The following DGKI variants were observed in gnomAD, a reference collection of about 807,000 sequenced individuals.
DGKI encodes diacylglycerol kinase iota, also known as DAG kinase iota.
DGKI carries 55 observed loss-of-function variants against 147.5 expected under a neutral mutation model. The ratio of observed to expected loss-of-function variants is 0.37; its 90% CI spans 0.30 to 0.47. DGKI has a LOEUF of 0.47. Ranked by LOEUF, DGKI falls within the 20% of genes least tolerant of loss-of-function variation. The pLI is 1.00. For synonymous variants in DGKI, 469 were observed against 477.1 expected (o/e 0.98, Z 0.22); for missense variants, 1,007 against 1,323.8 (o/e 0.76, Z 3.71).
At chr7:137,487,460 G>A (rs998937579) in intron 22 of DGKI, 150 bp downstream of exon 22, 7 of 711,772 alleles carry the variant, frequency 9.8e-6, no homozygotes, top group African/African-American at 8.8e-5. Context: ...AGTGGGAGAG[G>A]GTGACATACA....
chr7:137,618,142 TATATA>T (rs1409884476), intron 8 of DGKI, among the ~76,000 whole-genome samples: 22 of 12,348 alleles, frequency 1.8e-3, no homozygotes, highest in African/African-American at 4.7e-3. Context: ...TATATATATA[TATATA>T]TATATTTTTT....
chr7:137,676,180 C>T (rs1408089401), intron 3 of DGKI, among the ~76,000 whole-genome samples: 1 of 152,190 alleles, frequency 6.6e-6, no homozygotes, highest in Admixed American at 6.5e-5. Context: ...TACTTACACT[C>T]CTGGCAGCTG....
Position 137,678,643 on chromosome 7 carries a change from C to G in DGKI, c.520G>C (p.Val174Leu). ...TCCAGCCACAGGTGTTCTCCATTCA[C>G]GGCATTCTCCTGCAAGGAAAAGACC... ...RATLDWSENAVNGEHLWLETN... is the reference protein window; with the variant it reads ...RATLDWSENALNGEHLWLETN... The change falls in exon 3 of 33, where the codon GTG (valine) becomes CTG (leucine). Residue 174 changes from valine to leucine, a missense_variant. By Grantham distance (32) the Val-to-Leu change is conservative. Around this residue, in one of 5 missense-constraint regions of DGKI, gnomAD observed 259 missense variants for 362.5 expected, o/e 0.71. Coordinates refer to ENST00000614521, the MANE Select transcript of DGKI (RefSeq NM_001321708.2). 1 of 1,613,974 alleles carries G rather than the reference C, an allele frequency of 6.2e-7. No homozygotes were observed. Among genetic ancestry groups the G allele is most frequent in the Non-Finnish European group, 8.5e-7 (1 of 1,179,934 alleles).
chr7:137,706,149 T>C (rs995357951), intron 1 of DGKI, among the ~76,000 whole-genome samples: 2 of 152,032 alleles, frequency 1.3e-5, no homozygotes, highest in Non-Finnish European at 2.9e-5. Flanking sequence ...ATTTAAATAT[T>C]TATCTTTTTT....
intron 21 of DGKI, among the ~76,000 whole-genome samples, chr7:137,521,556 C>T (rs1431334621): frequency 1.3e-5 from 2 of 152,028 alleles, no homozygotes; most frequent in South Asian, 4.1e-4. Context: ...TGGTGCTATA[C>T]CATTGGTATC....
Position 137,835,988 on chromosome 7 carries a change from C to A in DGKI, c.401+10474G>T, listed in dbSNP as rs549571931. ...TGGCTATGAAAACAATACGGGGTTGCCTAAGATTGTTTTGTGAGTAGTTAG... is the reference window on the plus strand; with the variant it reads ...TGGCTATGAAAACAATACGGGGTTGACTAAGATTGTTTTGTGAGTAGTTAG... On this transcript the variant is annotated intron_variant, in intron 1 of 32. Coordinates refer to ENST00000614521, the MANE Select transcript of DGKI (RefSeq NM_001321708.2). 5.9e-5 allele frequency among the ~76,000 whole-genome samples: 9 copies of A among 152,178 alleles called. No homozygotes were observed. The South Asian group carries it at 1.9e-3, about 32-fold the overall frequency.
intron 6 of DGKI, among the ~76,000 whole-genome samples, chr7:137,642,819 T>C (rs1353278888): frequency 1.3e-5 from 2 of 151,688 alleles, no homozygotes; most frequent in East Asian, 3.9e-4. Flanking sequence ...CCATAAACAC[T>C]TCCTAAAAAA....
chr7:137,551,006 T>G (rs2128965943), intron 20 of DGKI, among the ~76,000 whole-genome samples: 1 of 152,110 alleles, frequency 6.6e-6, no homozygotes, highest in East Asian at 1.9e-4. Context: ...GTATTTAACC[T>G]GATAGAAGGT....
intron 21 of DGKI, among the ~76,000 whole-genome samples, chr7:137,517,279 A>AAGAAAG (rs1816788718): frequency 1.3e-5 from 1 of 79,744 alleles, no homozygotes; most frequent in Admixed American, 1.4e-4. Context: ...AAAGAAAAGA[A>AAGAAAG]AAAGAAAGAA....
intron 29 of DGKI, among the ~76,000 whole-genome samples, chr7:137,409,531 T>A (rs969440929): frequency 6.6e-6 from 1 of 151,896 alleles, no homozygotes; most frequent in Non-Finnish European, 1.5e-5. Context: ...TGAATGGAGG[T>A]AAGGACAATG....
intron 1 of DGKI, among the ~76,000 whole-genome samples, chr7:137,842,994 C>A (rs560755704): frequency 1.3e-5 from 2 of 152,242 alleles, no homozygotes; most frequent in South Asian, 2.1e-4. Flanking sequence ...CAGCGTGATG[C>A]GGTCTAAAGA....
At chr7:137,436,743 A>G (rs1813298370) in intron 28 of DGKI, among the ~76,000 whole-genome samples, 1 of 152,194 alleles carries the variant, frequency 6.6e-6, no homozygotes, top group Non-Finnish European at 1.5e-5. Flanking sequence ...ATGGATGTAA[A>G]TATCTAAACA....
intron 1 of DGKI, among the ~76,000 whole-genome samples, chr7:137,717,409 C>T (rs1453966685): frequency 1.3e-5 from 2 of 151,972 alleles, no homozygotes; most frequent in African/African-American, 4.8e-5. Flanking sequence ...CTACAAGGAA[C>T]AGTTCTCAGG....
intron 20 of DGKI, among the ~76,000 whole-genome samples, chr7:137,550,167 GT>G (rs71533756): frequency 0.093 from 12,793 of 137,954 alleles, 1,462 homozygotes; most frequent in African/African-American, 0.28. Context: ...TGTTGTTTGA[GT>G]TTTTTTTTTT....
chr7:137,542,199 C>CA (rs370589694), intron 20 of DGKI, among the ~76,000 whole-genome samples: 2 of 152,102 alleles, frequency 1.3e-5, no homozygotes, highest in Admixed American at 6.6e-5. Context: ...TTCTGGAAAA[C>CA]AGTTTGTCAG....
chr7:137,566,804 T>C (rs1415115329), intron 19 of DGKI, among the ~76,000 whole-genome samples: 2 of 152,166 alleles, frequency 1.3e-5, no homozygotes, highest in Non-Finnish European at 2.9e-5. Context: ...TCTAAACATA[T>C]ATTTTAAATT....
rs1280256706 is a variant in DGKI at position 137,388,684 on chromosome 7, A to C, written c.*2536T>G. On this transcript the variant is annotated 3_prime_UTR_variant, in exon 33 of 33. Coordinates refer to ENST00000614521, the MANE Select transcript of DGKI (RefSeq NM_001321708.2). ...CAGGAGGTGGTTTAATGTTGAAGCC[A>C]TTAAACATGTGGTTATTCTGCTCAC... is the stretch of plus-strand genomic sequence containing the variant. The C allele has an allele frequency of 6.6e-6, 1 of 152,164 alleles. No individual in the cohort carries two copies. 9.4% of individuals were successfully genotyped at this position (152,164 alleles called of 1,614,324 possible).
Position 137,485,371 on chromosome 7 carries a change from T to C in DGKI, c.2373+3A>G, listed in dbSNP as rs1170406124. 3.1e-6 allele frequency: 5 copies of C among 1,606,334 alleles called. No homozygotes were observed. The highest frequency in any genetic ancestry group is 4.3e-6 in the Non-Finnish European group (5 of 1,175,538). On this transcript the variant is annotated splice_donor_region_variant and intron_variant, in intron 23 of 32. Coordinates refer to ENST00000614521, the MANE Select transcript of DGKI (RefSeq NM_001321708.2). The stretch of plus-strand genomic sequence containing the variant: ...GAAACAAGGAGAGTCAATTATTTGT[T>C]ACCTGGTAATGAACTCTCTGGGAGC...
intron 28 of DGKI, among the ~76,000 whole-genome samples, chr7:137,426,424 G>A (rs1324328918): frequency 9.2e-5 from 14 of 152,208 alleles, no homozygotes; most frequent in East Asian, 3.9e-4. Context: ...AGGAACAACC[G>A]GTACCAGCCA....
Sources: allele counts gnomAD v4.1 joint callset (sites outside exome capture counted in the v4.1 genomes callset), GRCh38; gene constraint gnomAD v4.1.1; regional missense constraint gnomAD v4.1.1; transcripts MANE v1.5; gene names NCBI Gene and HGNC (gene_info 2026-07-23, HGNC 2026-07-21).